The following ROBO1 variants were observed in gnomAD, a reference collection of about 807,000 sequenced individuals.
ROBO1 encodes roundabout homolog 1.
ROBO1 carries 149 observed loss-of-function variants against 195.9 expected under a neutral mutation model. That is an observed-to-expected ratio of 0.76 (90% confidence interval 0.67 to 0.87). The LOEUF is 0.87. Among genes scored for constraint, ROBO1 ranks in the 40% least tolerant of loss-of-function variants. The pLI, the probability that ROBO1 is intolerant of heterozygous loss-of-function variation, is 0.00. For synonymous variants in ROBO1, 816 were observed against 733.2 expected (o/e 1.11, Z -1.82); for missense variants, 1,933 against 2,068.3 (o/e 0.93, Z 1.27).
intron 1 of ROBO1, among the ~76,000 whole-genome samples, chr3:79,728,888 C>A (rs1400988282): frequency 6.6e-6 from 1 of 152,012 alleles, no homozygotes; most frequent in African/African-American, 2.4e-5. Context: ...GATTGAAACT[C>A]TTCATAGACT....
intron 2 of ROBO1, among the ~76,000 whole-genome samples, chr3:79,127,007 G>GAA (rs1269968139): frequency 6.7e-5 from 7 of 104,918 alleles, no homozygotes; most frequent in Non-Finnish European, 1.0e-4. Flanking sequence ...TGGCTAAAAC[G>GAA]AAAAAAAAAA....
intron 1 of ROBO1, among the ~76,000 whole-genome samples, chr3:79,638,589 T>C (rs1945565699): frequency 6.6e-6 from 1 of 152,118 alleles, no homozygotes; most frequent in African/African-American, 2.4e-5. Context: ...CTTAATGGTC[T>C]GATTTTGAAG....
At chr3:78,862,804 G>T (rs2034932017) in intron 4 of ROBO1, among the ~76,000 whole-genome samples, 2 of 152,094 alleles carry the variant, frequency 1.3e-5, no homozygotes, top group Non-Finnish European at 2.9e-5. Context: ...GGTAGTACTT[G>T]GGTGAGGAAT....
At chr3:78,763,142 G>T (rs1246092511) in intron 4 of ROBO1, among the ~76,000 whole-genome samples, 1 of 152,064 alleles carries the variant, frequency 6.6e-6, no homozygotes, top group Non-Finnish European at 1.5e-5. Flanking sequence ...GATACAGCTC[G>T]AAGTAAAGAC....
chr3:78,863,846 G>C, intron 4 of ROBO1, among the ~76,000 whole-genome samples: 1 of 152,120 alleles, frequency 6.6e-6, no homozygotes, highest in East Asian at 1.9e-4. Context: ...AATCATTTTT[G>C]GTGAGTGCTA....
chr3:79,552,193 C>T (rs559847526), intron 2 of ROBO1, among the ~76,000 whole-genome samples: 47 of 151,932 alleles, frequency 3.1e-4, no homozygotes, highest in African/African-American at 1.1e-3. Flanking sequence ...GGCACACAGG[C>T]GACCTCTGCT....
chr3:79,481,963 T>C (rs1243247133), intron 2 of ROBO1, among the ~76,000 whole-genome samples: 1 of 152,196 alleles, frequency 6.6e-6, no homozygotes, highest in African/African-American at 2.4e-5. Flanking sequence ...AGAAAATGTA[T>C]ATCCTATGCT....
chr3:79,731,988 A>C (rs1354854424), intron 1 of ROBO1, among the ~76,000 whole-genome samples: 8 of 152,154 alleles, frequency 5.3e-5, no homozygotes, highest in East Asian at 3.9e-4. Context: ...GTGATTTCTT[A>C]GTTATGTGAA....
intron 3 of ROBO1, among the ~76,000 whole-genome samples, chr3:78,995,729 A>G (rs1284663205): frequency 2.0e-5 from 3 of 150,820 alleles, no homozygotes; most frequent in Non-Finnish European, 4.4e-5. Flanking sequence ...TGGTGCCACT[A>G]TACTCTAGCC....
chr3:79,734,901 T>TAA (rs1330139092), intron 1 of ROBO1, among the ~76,000 whole-genome samples: 1 of 152,202 alleles, frequency 6.6e-6, no homozygotes, highest in Non-Finnish European at 1.5e-5. Flanking sequence ...TTGTTTTAAT[T>TAA]TGTCTGGATG....
At chr3:79,372,732 C>G (rs1268066457) in intron 2 of ROBO1, among the ~76,000 whole-genome samples, 1 of 152,094 alleles carries the variant, frequency 6.6e-6, no homozygotes, top group Non-Finnish European at 1.5e-5. Context: ...CTTGGACTCT[C>G]CAGTTTCCAG....
chr3:79,417,625 A>G (rs2038059677), intron 2 of ROBO1, among the ~76,000 whole-genome samples: 1 of 152,110 alleles, frequency 6.6e-6, no homozygotes, highest in Non-Finnish European at 1.5e-5. Context: ...AACTACTTCC[A>G]AAACCATGGT....
intron 29 of ROBO1, among the ~76,000 whole-genome samples, chr3:78,605,212 T>C (rs1703398255): frequency 1.3e-5 from 2 of 152,198 alleles, no homozygotes; most frequent in African/African-American, 4.8e-5. Flanking sequence ...TCCCACCCCA[T>C]TCTTTATAGG....
intron 2 of ROBO1, among the ~76,000 whole-genome samples, chr3:79,334,867 A>C (rs1208960607): frequency 6.6e-6 from 1 of 152,126 alleles, no homozygotes; most frequent in Non-Finnish European, 1.5e-5. Context: ...GCACTTTAGG[A>C]AGCTGAGGCA....
chr3:79,053,679 C>T (rs2078748219), intron 3 of ROBO1, among the ~76,000 whole-genome samples: 1 of 151,964 alleles, frequency 6.6e-6, no homozygotes, highest in South Asian at 2.1e-4. Flanking sequence ...CCCAATACCC[C>T]TTTCTCACAC....
intron 2 of ROBO1, among the ~76,000 whole-genome samples, chr3:79,134,256 A>G (rs1454954173): frequency 7.5e-6 from 1 of 133,848 alleles, no homozygotes; most frequent in Non-Finnish European, 1.6e-5. Context: ...TCAAAAGAAG[A>G]CATTTATGCA....
chr3:78,849,849 C>T (rs1343489699), intron 4 of ROBO1, among the ~76,000 whole-genome samples: 5 of 151,618 alleles, frequency 3.3e-5, no homozygotes, highest in Middle Eastern at 3.2e-3. Flanking sequence ...CACACACACA[C>T]ACACACACAC....
At chr3:79,267,947 A>C (rs1462684961) in intron 2 of ROBO1, among the ~76,000 whole-genome samples, 1 of 151,696 alleles carries the variant, frequency 6.6e-6, no homozygotes, top group Non-Finnish European at 1.5e-5. Context: ...AGATTTAAGC[A>C]AATTATAAGA....
intron 3 of ROBO1, among the ~76,000 whole-genome samples, chr3:79,073,926 T>C (rs553368506): frequency 1.3e-5 from 2 of 151,026 alleles, no homozygotes; most frequent in East Asian, 3.9e-4. Context: ...ATACTAGATA[T>C]ATAACAGCAA....
Sources: allele counts gnomAD v4.1 joint callset (sites outside exome capture counted in the v4.1 genomes callset), GRCh38; gene constraint gnomAD v4.1.1; transcripts MANE v1.5; gene names NCBI Gene and HGNC (gene_info 2026-07-23, HGNC 2026-07-21).